Variants in CSMD1 observed in about 807,000 individuals in gnomAD.
CSMD1 encodes the protein CUB and Sushi multiple domains 1, also known as CUB and sushi domain-containing protein 1.
CSMD1 carries 213 observed loss-of-function variants against 417.5 expected under a neutral mutation model. The ratio of observed to expected loss-of-function variants is 0.51; its 90% CI spans 0.46 to 0.57. The LOEUF is 0.57. CSMD1 is among the 20% of genes least tolerant of loss of function. CSMD1 has a pLI of 0.00. For missense variants in CSMD1, 6,923 were observed against 4,529.7 expected (o/e 1.53, Z -15.17); for synonymous variants, 2,862 against 1,736.8 (o/e 1.65, Z -16.11).
chr8:3,803,183 T>C (rs753643885), intron 5 of CSMD1, among the ~76,000 whole-genome samples: 4 of 152,094 alleles, frequency 2.6e-5, no homozygotes, highest in Non-Finnish European at 5.9e-5. Context: ...TATAAAATCA[T>C]TCATTTGTTC....
intron 2 of CSMD1, among the ~76,000 whole-genome samples, chr8:4,541,553 G>T (rs1482619354): frequency 1.3e-5 from 2 of 151,852 alleles, no homozygotes; most frequent in African/African-American, 4.8e-5. Flanking sequence ...TTCAAGAACA[G>T]CCTGGCCACC....
intron 41 of CSMD1, among the ~76,000 whole-genome samples, chr8:3,129,238 T>G (rs1202718938): frequency 6.6e-6 from 1 of 152,208 alleles, no homozygotes; most frequent in Non-Finnish European, 1.5e-5. Context: ...TCTCATAAAT[T>G]ACATAACATG....
At chr8:3,866,989 G>C (rs1455821923) in intron 5 of CSMD1, among the ~76,000 whole-genome samples, 2 of 152,186 alleles carry the variant, frequency 1.3e-5, no homozygotes, top group Non-Finnish European at 2.9e-5. Flanking sequence ...TACCATAAAA[G>C]TGGTGAGTCA....
intron 2 of CSMD1, among the ~76,000 whole-genome samples, chr8:4,476,977 C>G (rs1407396457): frequency 6.6e-6 from 1 of 152,186 alleles, no homozygotes; most frequent in Non-Finnish European, 1.5e-5. Context: ...CTGCTGAATG[C>G]CAATTGCTGG....
chr8:3,275,335 A>C (rs13271799), intron 26 of CSMD1, among the ~76,000 whole-genome samples: 41,763 of 151,878 alleles, frequency 0.27, 5,966 homozygotes, highest in African/African-American at 0.34. Context: ...AGGGTAACCC[A>C]ACCTTTCTCT....
intron 1 of CSMD1, among the ~76,000 whole-genome samples, chr8:4,771,676 TA>T (rs1253445141): frequency 6.6e-6 from 1 of 152,168 alleles, no homozygotes; most frequent in Non-Finnish European, 1.5e-5. Context: ...ATACGCAAAG[TA>T]AAAACTTCAC....
chr8:3,118,026 C>A (rs1490105238), intron 42 of CSMD1, among the ~76,000 whole-genome samples: 2 of 152,060 alleles, frequency 1.3e-5, no homozygotes, highest in Admixed American at 6.6e-5. Flanking sequence ...TAATAAGTAC[C>A]CTTTTTCCCT....
At chr8:4,619,700 C>T (rs1483137972) in intron 2 of CSMD1, among the ~76,000 whole-genome samples, 1 of 152,068 alleles carries the variant, frequency 6.6e-6, no homozygotes, top group Non-Finnish European at 1.5e-5. Context: ...ACTTTTGAAG[C>T]TATTGTTGAC....
chr8:4,520,192 G>T (rs546996323), intron 2 of CSMD1, among the ~76,000 whole-genome samples: 15 of 152,104 alleles, frequency 9.9e-5, no homozygotes, highest in African/African-American at 3.6e-4. Context: ...TCATAAAAAT[G>T]CAATATCGTG....
chr8:4,424,102 A>C (rs1313949841), intron 2 of CSMD1, among the ~76,000 whole-genome samples: 1 of 152,064 alleles, frequency 6.6e-6, no homozygotes, highest in East Asian at 1.9e-4. Flanking sequence ...TTAGGAAAAA[A>C]ATAGGGGAAA....
At chr8:3,906,878 A>T (rs1584944832) in intron 5 of CSMD1, among the ~76,000 whole-genome samples, 1 of 152,200 alleles carries the variant, frequency 6.6e-6, no homozygotes. Flanking sequence ...TATTAGTACC[A>T]AGTCTTTCTA....
chr8:4,645,333 A>G (rs1803451492), intron 1 of CSMD1, among the ~76,000 whole-genome samples: 1 of 147,962 alleles, frequency 6.8e-6, no homozygotes, highest in Non-Finnish European at 1.5e-5. Flanking sequence ...AACTCCAGCA[A>G]TGTAATGTTT....
In CSMD1 at chr8:4,191,347, G is replaced by C. The variant is rs571645906; in HGVS notation, c.416-159248C>G. ...GGAGGCAGAGCCTGCAGTGAGCAGAGATCGCGCCACTGCACTCCAGCCTGG... is the reference window on the plus strand; with the variant it reads ...GGAGGCAGAGCCTGCAGTGAGCAGACATCGCGCCACTGCACTCCAGCCTGG... On this transcript the variant is annotated intron_variant, in intron 3 of 69. Transcript: ENST00000635120. 1.6e-4 allele frequency among the ~76,000 whole-genome samples: 25 copies of C among 152,252 alleles called. No homozygotes were observed. In the East Asian group the frequency reaches 4.8e-3, roughly 29 times the overall value.
chr8:2,949,473 C>A, intron 67 of CSMD1, 87 bp from the exon 68 acceptor site: 2 of 621,536 alleles, frequency 3.2e-6, no homozygotes, highest in Non-Finnish European at 5.3e-6. Flanking sequence ...TTTAATACAA[C>A]TGTTATATCT....
intron 3 of CSMD1, among the ~76,000 whole-genome samples, chr8:4,220,324 G>C (rs1455170631): frequency 2.6e-5 from 4 of 152,174 alleles, no homozygotes; most frequent in African/African-American, 9.7e-5. Context: ...TGAAGCGTGA[G>C]AAGGAGGTTA....
At chr8:3,351,916 T>C (rs115752962) in intron 21 of CSMD1, among the ~76,000 whole-genome samples, 2,817 of 152,214 alleles carry the variant, frequency 0.019, 97 homozygotes, top group African/African-American at 0.064. Context: ...TTTACATCTT[T>C]TCTCTGTTTT....
At position 3,408,154 on chromosome 8, in the gene CSMD1, T is replaced by C; in HGVS notation, c.1816A>G (p.Asn606Asp). ...ATCAACCAGACACAGTTCATGTTGT[T>C]CCCATATTCCTCTGGATAATTTGGT... ...LSPNYPEEYG[N>D]NMNCVWLIIS... Residue 606 changes from asparagine (N) to aspartate (D), a missense_variant, in exon 14 of 70, where the codon AAC becomes GAC. Asn to Asp is a conservative substitution (Grantham distance 23). Coordinates refer to ENST00000635120, the MANE Select transcript of CSMD1 (RefSeq NM_033225.6). 6.2e-7 allele frequency: 1 copy of C among 1,613,368 alleles called. No individual in the cohort carries two copies. The highest frequency in any genetic ancestry group is 8.5e-7 in the Non-Finnish European group (1 of 1,179,582).
chr8:4,874,542 A>G (rs1585246261), intron 1 of CSMD1, among the ~76,000 whole-genome samples: 1 of 151,354 alleles, frequency 6.6e-6, no homozygotes, highest in African/African-American at 2.4e-5. Flanking sequence ...GGTGCCTGCC[A>G]CCTCTCCCGG....
chr8:4,169,237 C>T (rs980980299), intron 3 of CSMD1, among the ~76,000 whole-genome samples: 2 of 152,124 alleles, frequency 1.3e-5, no homozygotes, highest in African/African-American at 4.8e-5. Context: ...GCAGTGTTCT[C>T]AATACTGCAC....
Sources: gnomAD v4.1 joint callset for allele counts (sites outside exome capture counted in the v4.1 genomes callset) on GRCh38, gnomAD v4.1.1 for gene constraint, MANE v1.5 for transcripts, NCBI Gene and HGNC (gene_info 2026-07-23, HGNC 2026-07-21) for gene names.